NLRC3: variants seen among roughly 807,000 people sequenced by gnomAD.
NLRC3 encodes the protein NLR family CARD domain-containing protein 3.
In NLRC3, 87 loss-of-function variants were observed where a neutral mutation model predicts 91.6. The observed-to-expected ratio is 0.95, with a 90% CI of 0.80 to 1.14. NLRC3 has a LOEUF of 1.14. NLRC3 is among the 50% of genes most tolerant of loss of function. NLRC3 has a pLI of 0.00. For missense variants in NLRC3, 1,577 were observed against 1,418.6 expected (o/e 1.11, Z -1.79); for synonymous variants, 694 against 625.3 (o/e 1.11, Z -1.64).
intron 16 of NLRC3, 84 bp downstream of exon 16, chr16:3,544,162 G>GGA: frequency 1.5e-6 from 1 of 670,072 alleles, no homozygotes; most frequent in African/African-American, 2.1e-5. Flanking sequence ...TTGTCTCGAG[G>GGA]AAAAAAAAAA....
chr16:3,569,397 A>ATATTTTTTTTTTT (rs2040013749), intron 1 of NLRC3, among the ~76,000 whole-genome samples: 5 of 41,056 alleles, frequency 1.2e-4, no homozygotes, highest in African/African-American at 6.2e-4. Flanking sequence ...TATATATATT[A>ATATTTTTTTTTTT]TTTTTTTTTT....
chr16:3,548,215 C>A lies in NLRC3; in HGVS notation c.2691G>T (p.Leu897=). 1.3e-6 allele frequency: 2 copies of A among 1,589,022 alleles called. No individual in the cohort carries two copies. The highest frequency in any genetic ancestry group is 1.7e-6 in the Non-Finnish European group (2 of 1,167,760). ...RENRTLTSLH[L]QWNFIQAGAA... ...CGCCGGCCTGGATGAAGTTCCACTGCAGGCTGGGCAGACACAGACACATGT... is the reference window on the plus strand; with the variant it reads ...CGCCGGCCTGGATGAAGTTCCACTGAAGGCTGGGCAGACACAGACACATGT... The change falls in exon 15 of 20, where the codon CTG becomes CTT. Residue 897 remains leucine, a synonymous_variant. Transcript: ENST00000359128.
At chr16:3,544,387 G>T in intron 15 of NLRC3, 58 bp from the exon 16 acceptor site, 1 of 1,239,104 alleles carries the variant, frequency 8.1e-7, no homozygotes, top group South Asian at 1.2e-5. Context: ...TTCTAGCAAG[G>T]CCCTGCCGCA....
rs757614425 is a variant in NLRC3 at position 3,548,696 on chromosome 16, T to C, written c.2661A>G (p.Arg887=). The change falls in exon 14 of 20, where the codon AGA becomes AGG. Residue 887 remains arginine (R), a synonymous_variant. Coordinates refer to ENST00000359128, the MANE Select transcript of NLRC3 (RefSeq NM_178844.4). ...GAAGGGAGGTGAGGGTGCGGTTTTC[T>C]CTCACTGCCACTGCGATGGCCCGGG... ...QGARAIAVAV[R]ENRTLTSLHL... The C allele has an allele frequency of 6.3e-7, 1 of 1,598,358 alleles. No individual in the cohort carries two copies. Among genetic ancestry groups the C allele is most frequent in the East Asian group, 2.3e-5 (1 of 44,286 alleles).
chr16:3,557,110 A>G, intron 7 of NLRC3, 116 bp from the exon 8 acceptor site: 1 of 699,018 alleles, frequency 1.4e-6, no homozygotes, highest in Middle Eastern at 2.4e-4. Context: ...GTAAGGGCTT[A>G]GGATCTCATG....
At chr16:3,569,397 A>ATATATTTTTTTTTTTTTTTTTT (rs2040013749) in intron 1 of NLRC3, among the ~76,000 whole-genome samples, 1 of 41,046 alleles carries the variant, frequency 2.4e-5, no homozygotes, top group African/African-American at 1.2e-4. Flanking sequence ...TATATATATT[A>ATATATTTTTTTTTTTTTTTTTT]TTTTTTTTTT....
At position 3,554,272 on chromosome 16, in the gene NLRC3, A is replaced by C. The variant is rs1192982368; in HGVS notation, c.2237T>G (p.Leu746Trp). The C allele has an allele frequency of 1.2e-6, 2 of 1,613,768 alleles. No homozygotes were observed. Among genetic ancestry groups the C allele is most frequent in the Admixed American group, 3.3e-5 (2 of 60,016 alleles). Residue 746 changes from leucine to tryptophan, a missense_variant, in exon 9 of 20, where the codon TTG becomes TGG. Coordinates refer to ENST00000359128, the MANE Select transcript of NLRC3 (RefSeq NM_178844.4). Reference protein sequence around the residue: ...DDGARSMAEALASNRTLSMLH... With the variant: ...DDGARSMAEAWASNRTLSMLH... ...CATGGAGAGGGTCCGGTTGGAGGCC[A>C]AGGCCTCAGCCATGGACCTGGCACC... is the stretch of plus-strand genomic sequence containing the variant.
At chr16:3,561,649 T>G in intron 6 of NLRC3, 53 bp downstream of exon 6, 1 of 1,243,502 alleles carries the variant, frequency 8.0e-7, no homozygotes, top group South Asian at 1.2e-5. Context: ...GGAAGAGGGT[T>G]CCATACCCCA....
At chr16:3,565,238 G>A in intron 3 of NLRC3, 81 bp downstream of exon 3, 2 of 697,798 alleles carry the variant, frequency 2.9e-6, no homozygotes, top group Admixed American at 2.0e-5. Flanking sequence ...GTTCCTGGGT[G>A]GTAGCAATGA....
At chr16:3,562,787 A>G in intron 5 of NLRC3, 1 of 647,494 alleles carries the variant, frequency 1.5e-6, no homozygotes, top group Non-Finnish European at 2.8e-6. Context: ...CCTCTCCTAT[A>G]TGTTTCAGAG....
intron 6 of NLRC3, among the ~76,000 whole-genome samples, chr16:3,559,116 A>C (rs984817439): frequency 2.0e-5 from 3 of 152,166 alleles, no homozygotes; most frequent in African/African-American, 7.2e-5. Context: ...CACTGGAATA[A>C]AGTCTCTTTT....
rs142062219 is a variant in NLRC3 at position 3,562,598 on chromosome 16, G to C, written c.1928+411C>G. On this transcript the variant is annotated intron_variant, in intron 5 of 19. Transcript: ENST00000359128. Reference sequence around the variant, plus strand: ...AGCGTTTGCAGTGAGCTGAGATCGCGCCACTGTATTCCAGCCTGGGCGACA... The same window carrying C: ...AGCGTTTGCAGTGAGCTGAGATCGCCCCACTGTATTCCAGCCTGGGCGACA... Among the ~76,000 whole-genome samples, 1,053 of 152,194 alleles carry C rather than the reference G, an allele frequency of 6.9e-3. 9 individuals are homozygous for C. Among genetic ancestry groups the C allele is most frequent in the African/African-American group, 0.023 (963 of 41,522 alleles).
At chr16:3,574,007 CTTTTTTTTTTTTTTTTTTTTT>C (rs35126359) in intron 1 of NLRC3, among the ~76,000 whole-genome samples, 2 of 40,398 alleles carry the variant, frequency 5.0e-5, no homozygotes, top group African/African-American at 2.0e-4. Flanking sequence ...ACCATTTTAT[CTTTTTTTTTTTTTTTTTTTTT>C]TTTTTTTTTT....
In NLRC3 at chr16:3,552,418, A is replaced by C. The variant is rs2039065646; in HGVS notation, c.2268-139T>G. 7 of 648,850 alleles carry C rather than the reference A, an allele frequency of 1.1e-5. No individual in the cohort carries two copies. In the African/African-American group the frequency reaches 1.3e-4, roughly 12 times the overall value. 40.2% of individuals were successfully genotyped at this position (648,850 alleles called of 1,614,324 possible). A position where few individuals can be genotyped will look rare whatever the true frequency, so the allele number is the denominator to read the frequency against. On this transcript the variant is annotated intron_variant, in intron 9 of 19. Coordinates refer to ENST00000359128, the MANE Select transcript of NLRC3 (RefSeq NM_178844.4). ...AGCAGGTGGGGAGGGCGTTCTCCAG[A>C]TGGGTCTTTGGATTGTTGCCTAAGT...
chr16:3,566,545 G>C (rs569729278), intron 2 of NLRC3, among the ~76,000 whole-genome samples: 2 of 152,234 alleles, frequency 1.3e-5, no homozygotes, highest in East Asian at 3.9e-4. Flanking sequence ...GACCAACATG[G>C]AGAAACCCCA....
chr16:3,568,058 G>A (rs1049891355), intron 1 of NLRC3, among the ~76,000 whole-genome samples: 1 of 151,942 alleles, frequency 6.6e-6, no homozygotes, highest in African/African-American at 2.4e-5. Context: ...TAGAAGCAGG[G>A]TTTCACCTTG....
At chr16:3,542,044 A>G in intron 19 of NLRC3, 129 bp from the exon 20 acceptor site, 1 of 800,572 alleles carries the variant, frequency 1.2e-6, no homozygotes, top group Non-Finnish European at 2.1e-6. Context: ...CTACATGGAC[A>G]AGGCTCAGGG....
intron 5 of NLRC3, among the ~76,000 whole-genome samples, chr16:3,562,719 C>T (rs903194395): frequency 2.0e-5 from 3 of 152,014 alleles, no homozygotes; most frequent in East Asian, 1.9e-4. Flanking sequence ...ACTGAAGTAA[C>T]GCAGCCTTAA....
chr16:3,548,650 G>A lies in NLRC3; in HGVS notation c.2687+20C>T, dbSNP rs1360153328. The A allele has an allele frequency of 6.6e-7, 1 of 1,525,006 alleles. No homozygotes were observed. Among genetic ancestry groups the A allele is most frequent in the Non-Finnish European group, 8.9e-7 (1 of 1,117,716 alleles). The allele number at this position is 1,525,006 out of a possible 1,614,324, so 94.5% of individuals were successfully genotyped here. A position where few individuals can be genotyped will look rare whatever the true frequency, so the allele number is the denominator to read the frequency against. On this transcript the variant is annotated intron_variant, in intron 14 of 19. Transcript: ENST00000359128. ...CTCTGCAGAAGGGGAACAGAGCAGG[G>A]TGGAGAGCTGCAGACTCACTGAAGG... is the stretch of plus-strand genomic sequence containing the variant.
Sources: allele counts gnomAD v4.1 joint callset (sites outside exome capture counted in the v4.1 genomes callset), GRCh38; gene constraint gnomAD v4.1.1; transcripts MANE v1.5; gene names NCBI Gene and HGNC (gene_info 2026-07-23, HGNC 2026-07-21).